The following VEPH1 variants were observed in gnomAD, a reference collection of about 807,000 sequenced individuals.
VEPH1 encodes ventricular zone expressed PH domain containing 1, also known as ventricular zone-expressed PH domain-containing protein homolog 1.
A neutral mutation model predicts 85.2 loss-of-function variants in VEPH1; 80 were observed. The observed-to-expected ratio is 0.94, with a 90% CI of 0.78 to 1.13. The LOEUF (loss-of-function observed/expected upper bound fraction) is 1.13, where lower values mean the gene tolerates loss of function less well. Ranked by LOEUF, VEPH1 falls within the 50% of genes most tolerant of loss-of-function variation. The probability of loss-of-function intolerance (pLI) is 0.00; values close to 1 mark genes in which losing one functional copy is unlikely to be tolerated. For missense variants in VEPH1, 955 were observed against 980.5 expected, an observed-to-expected ratio of 0.97 and a Z score of 0.35; for synonymous variants, 297 against 348.0, an observed-to-expected ratio of 0.85 and a Z score of 1.63.
intron 7 of VEPH1, among the ~76,000 whole-genome samples, chr3:157,372,339 A>G (rs1727600461): frequency 6.6e-6 from 1 of 152,208 alleles, no homozygotes; most frequent in Non-Finnish European, 1.5e-5. Context: ...TGGGGATAGA[A>G]CTCCTACATA....
At chr3:157,287,674 C>A (rs909038421) in intron 11 of VEPH1, among the ~76,000 whole-genome samples, 1 of 151,928 alleles carries the variant, frequency 6.6e-6, no homozygotes, top group Non-Finnish European at 1.5e-5. Context: ...AAGTGATTCT[C>A]GTGTGTCAGC....
intron 4 of VEPH1, among the ~76,000 whole-genome samples, chr3:157,431,269 T>C (rs1192708074): frequency 1.3e-5 from 2 of 152,218 alleles, no homozygotes; most frequent in Non-Finnish European, 2.9e-5. Flanking sequence ...CACGTGGAAC[T>C]GAGTCAATTA....
chr3:157,264,174 A>C (rs1713291675), intron 13 of VEPH1, among the ~76,000 whole-genome samples: 1 of 152,184 alleles, frequency 6.6e-6, no homozygotes, highest in Non-Finnish European at 1.5e-5. Context: ...TGAGACATGC[A>C]TTCTCTCCTG....
intron 4 of VEPH1, among the ~76,000 whole-genome samples, chr3:157,439,693 CTTAT>C (rs2091856187): frequency 1.3e-5 from 2 of 152,142 alleles, no homozygotes; most frequent in African/African-American, 4.8e-5. Flanking sequence ...ACTGCCTGGG[CTTAT>C]TTAAAGAGGA....
chr3:157,297,925 A>G (rs1301589586), intron 11 of VEPH1, among the ~76,000 whole-genome samples: 1 of 152,196 alleles, frequency 6.6e-6, no homozygotes, highest in Non-Finnish European at 1.5e-5. Context: ...AAGTGTGTCC[A>G]TTCAGGGAAT....
chr3:157,501,119 T>A, intron 1 of VEPH1, among the ~76,000 whole-genome samples: 1 of 152,260 alleles, frequency 6.6e-6, no homozygotes, highest in East Asian at 1.9e-4. Flanking sequence ...TACTGTTCAC[T>A]AAATTGGGTT....
intron 9 of VEPH1, among the ~76,000 whole-genome samples, chr3:157,355,417 A>C (rs980352997): frequency 1.3e-5 from 2 of 152,218 alleles, no homozygotes; most frequent in Non-Finnish European, 2.9e-5. Context: ...TGAACCTTTC[A>C]GGCATCACTA....
chr3:157,401,612 C>A (rs1327972533), intron 6 of VEPH1, among the ~76,000 whole-genome samples: 1 of 152,042 alleles, frequency 6.6e-6, no homozygotes, highest in Non-Finnish European at 1.5e-5. Flanking sequence ...AAAGTGTAAA[C>A]CTTGCCTTGG....
chr3:157,267,368 A>T (rs1280812659), intron 12 of VEPH1, among the ~76,000 whole-genome samples: 1 of 148,344 alleles, frequency 6.7e-6, no homozygotes, highest in Non-Finnish European at 1.5e-5. Context: ...AAGTGCTGGG[A>T]TTACAGGTGT....
chr3:157,402,898 T>A (rs1407747957), intron 6 of VEPH1, among the ~76,000 whole-genome samples: 1 of 152,192 alleles, frequency 6.6e-6, no homozygotes, highest in Non-Finnish European at 1.5e-5. Flanking sequence ...AACATTTTAG[T>A]GTGATAGTGT....
At chr3:157,356,787 A>G (rs1301812736) in intron 9 of VEPH1, among the ~76,000 whole-genome samples, 1 of 152,196 alleles carries the variant, frequency 6.6e-6, no homozygotes, top group Non-Finnish European at 1.5e-5. Context: ...AAGTAAATGG[A>G]AGAATAACAT....
At chr3:157,457,201 G>A (rs1387155378) in intron 4 of VEPH1, among the ~76,000 whole-genome samples, 1 of 152,034 alleles carries the variant, frequency 6.6e-6, no homozygotes, top group East Asian at 1.9e-4. Context: ...GTGTGTGGGA[G>A]TGCTAGTGAC....
chr3:157,422,423 C>T (rs755815067), intron 5 of VEPH1, among the ~76,000 whole-genome samples: 5 of 152,188 alleles, frequency 3.3e-5, no homozygotes, highest in Admixed American at 6.5e-5. Context: ...GTCTGTGATA[C>T]ACCTATATAG....
At position 157,470,499 on chromosome 3, in the gene VEPH1, C is replaced by T; in HGVS notation, c.169G>A (p.Val57Ile). Residue 57 changes from valine (V) to isoleucine (I), a missense_variant, in exon 3 of 14, where the codon GTA becomes ATA. Physicochemically the swap from Val to Ile is conservative, Grantham distance 29. Coordinates refer to ENST00000362010, the MANE Select transcript of VEPH1 (RefSeq NM_001167912.2). ...DYQTNNNDQAVVEICITRITT... is the reference protein window; with the variant it reads ...DYQTNNNDQAIVEICITRITT... The stretch of plus-strand genomic sequence containing the variant: ...ATTCTTGTGATACAGATTTCAACTA[C>T]TGCCTGGTCATTGTTATTGGTTTGG... The T allele has an allele frequency of 1.2e-6, 2 of 1,614,186 alleles. No homozygotes were observed. The highest frequency in any genetic ancestry group is 2.2e-5 in the South Asian group (2 of 91,074).
chr3:157,280,345 G>C (rs577023013), intron 12 of VEPH1, among the ~76,000 whole-genome samples: 1 of 152,032 alleles, frequency 6.6e-6, no homozygotes, highest in Non-Finnish European at 1.5e-5. Context: ...ACATTACTAC[G>C]TATAGTGATT....
At chr3:157,396,064 A>G (rs1730350898) in intron 6 of VEPH1, among the ~76,000 whole-genome samples, 1 of 152,094 alleles carries the variant, frequency 6.6e-6, no homozygotes, top group Non-Finnish European at 1.5e-5. Flanking sequence ...TGCATTATCT[A>G]TTCTTTCTGA....
intron 9 of VEPH1, among the ~76,000 whole-genome samples, chr3:157,361,231 T>C (rs1726017749): frequency 6.6e-6 from 1 of 152,362 alleles, no homozygotes; most frequent in South Asian, 2.1e-4. Context: ...CAATCTTTTA[T>C]TGTCACCATT....
chr3:157,404,234 A>T (rs1024364380), intron 6 of VEPH1, among the ~76,000 whole-genome samples: 1 of 151,996 alleles, frequency 6.6e-6, no homozygotes, highest in Non-Finnish European at 1.5e-5. Flanking sequence ...TAATTACTTG[A>T]GGGGGGGTTA....
intron 9 of VEPH1, among the ~76,000 whole-genome samples, chr3:157,359,589 A>C (rs1725815466): frequency 6.6e-6 from 1 of 152,166 alleles, no homozygotes; most frequent in Non-Finnish European, 1.5e-5. Flanking sequence ...TGATCTATTT[A>C]TACTCTATTG....
Sources: gnomAD v4.1 joint callset for allele counts (sites outside exome capture counted in the v4.1 genomes callset) on GRCh38, gnomAD v4.1.1 for gene constraint, MANE v1.5 for transcripts, NCBI Gene and HGNC (gene_info 2026-07-23, HGNC 2026-07-21) for gene names.